Variants in HTR1E observed in about 807,000 individuals in gnomAD.
HTR1E encodes 5-HT-1E.
HTR1E carries 3 observed loss-of-function variants against 3.4 expected under a neutral mutation model. The observed-to-expected ratio is 0.89, with a 90% CI of 0.41 to 2.31. HTR1E has a LOEUF of 2.31. HTR1E is among the 30% of genes most tolerant of loss of function. HTR1E has a pLI of 0.05. For missense variants in HTR1E, 392 were observed against 467.0 expected (o/e 0.84, Z 1.48); for synonymous variants, 170 against 182.8 (o/e 0.93, Z 0.56).
intron 1 of HTR1E, among the ~76,000 whole-genome samples, chr6:87,004,465 C>A (rs1419619445): frequency 6.6e-6 from 1 of 152,122 alleles, no homozygotes; most frequent in Non-Finnish European, 1.5e-5. Context: ...GAATAGGGTA[C>A]ATTATGTCAA....
rs768452385 is a variant in HTR1E at position 87,015,512 on chromosome 6, C to T, written c.178C>T (p.Leu60=). The T allele has an allele frequency of 1.9e-6, 3 of 1,613,550 alleles. No homozygotes were observed. The highest frequency in any genetic ancestry group is 1.6e-4 in the Middle Eastern group (1 of 6,080). The part of the protein sequence containing the change: ...TKKLHQPANY[L]ICSLAVTDLL... ...GAAGCTCCACCAGCCTGCCAACTACCTAATCTGTTCTCTGGCCGTGACGGA... is the reference window on the plus strand; with the variant it reads ...GAAGCTCCACCAGCCTGCCAACTACTTAATCTGTTCTCTGGCCGTGACGGA... Residue 60 remains leucine, a synonymous_variant, in exon 2 of 2, where the codon CTA becomes TTA. Coordinates refer to ENST00000305344, the MANE Select transcript of HTR1E (RefSeq NM_000865.3).
intron 1 of HTR1E, chr6:86,970,369 T>A (rs1213227505): frequency 6.6e-6 from 1 of 152,260 alleles, no homozygotes; most frequent in Non-Finnish European, 1.5e-5. Context: ...CGGGCCCAAA[T>A]CCTTGGTTTG....
intron 1 of HTR1E, among the ~76,000 whole-genome samples, chr6:86,938,843 A>C (rs139516944): frequency 8.3e-4 from 127 of 152,320 alleles, no homozygotes; most frequent in African/African-American, 3.0e-3. Context: ...TCTAAGCAGT[A>C]CATCGTCCTA....
intron 1 of HTR1E, among the ~76,000 whole-genome samples, chr6:87,003,504 A>G (rs1180286336): frequency 6.6e-6 from 1 of 151,316 alleles, no homozygotes; most frequent in Non-Finnish European, 1.5e-5. Flanking sequence ...GCGCCATTGC[A>G]CTCCAGCCTG....
chr6:86,958,090 G>A (rs532998467), intron 1 of HTR1E, among the ~76,000 whole-genome samples: 34 of 136,510 alleles, frequency 2.5e-4, no homozygotes, highest in Non-Finnish European at 4.3e-4. Flanking sequence ...ACAGAGTCTC[G>A]CTCTGTCGCC....
intron 1 of HTR1E, among the ~76,000 whole-genome samples, chr6:87,011,275 G>C (rs540706776): frequency 8.8e-4 from 134 of 152,304 alleles, no homozygotes; most frequent in Middle Eastern, 6.8e-3. Flanking sequence ...TGCAGCAGGA[G>C]GGAATGACTT....
Position 87,016,557 on chromosome 6 carries a change from T to C in HTR1E, c.*125T>C, listed in dbSNP as rs1768330557. 1 of 772,216 alleles carries C rather than the reference T, an allele frequency of 1.3e-6. No homozygotes were observed. Among genetic ancestry groups the C allele is most frequent in the Non-Finnish European group, 2.0e-6 (1 of 497,912 alleles). 47.8% of individuals were successfully genotyped at this position (772,216 alleles called of 1,614,324 possible). A position where few individuals can be genotyped will look rare whatever the true frequency, so the allele number is the denominator to read the frequency against. On this transcript the variant is annotated 3_prime_UTR_variant, in exon 2 of 2. Transcript: ENST00000305344. ...GAGTTTGTAAGTATGTGTGGTCTTG[T>C]TTCCTTGTTTGTTTGTTTGTTTTGT...
intron 1 of HTR1E, among the ~76,000 whole-genome samples, chr6:86,969,737 T>G (rs903666179): frequency 6.6e-6 from 1 of 152,130 alleles, no homozygotes; most frequent in Non-Finnish European, 1.5e-5. Flanking sequence ...CTTGACCCCA[T>G]CCCTGAGGTC....
chr6:86,983,611 G>A (rs367807722), intron 1 of HTR1E, among the ~76,000 whole-genome samples: 3 of 152,154 alleles, frequency 2.0e-5, no homozygotes, highest in South Asian at 2.1e-4. Context: ...ACAATAGGGT[G>A]ACTATAGTTA....
At chr6:87,012,799 A>T (rs1768257386) in intron 1 of HTR1E, among the ~76,000 whole-genome samples, 1 of 152,232 alleles carries the variant, frequency 6.6e-6, no homozygotes, top group Non-Finnish European at 1.5e-5. Context: ...GAAAGATGTC[A>T]TTATTCCTGA....
At chr6:86,989,860 C>T (rs986759464) in intron 1 of HTR1E, among the ~76,000 whole-genome samples, 9 of 152,000 alleles carry the variant, frequency 5.9e-5, no homozygotes, top group African/African-American at 1.7e-4. Flanking sequence ...CATTTTTATA[C>T]AACATACTAT....
intron 1 of HTR1E, among the ~76,000 whole-genome samples, chr6:87,010,189 G>A (rs1365569696): frequency 3.6e-5 from 3 of 83,998 alleles, no homozygotes; most frequent in African/African-American, 1.1e-4. Context: ...GCGGGGGGCC[G>A]ACCCCCCCAC....
chr6:87,011,885 A>G (rs1033849125), intron 1 of HTR1E, among the ~76,000 whole-genome samples: 2 of 152,176 alleles, frequency 1.3e-5, no homozygotes, highest in Non-Finnish European at 2.9e-5. Flanking sequence ...TGAAGGAAGA[A>G]AGGAATTTCT....
chr6:86,995,427 AGGTCGAGGTGGGC>A (rs1767923263), intron 1 of HTR1E, among the ~76,000 whole-genome samples: 1 of 151,814 alleles, frequency 6.6e-6, no homozygotes, highest in Non-Finnish European at 1.5e-5. Flanking sequence ...GCACTTTGGG[AGGTCGAGGTGGGC>A]GGATCACCTG....
At chr6:86,992,810 C>T (rs974334199) in intron 1 of HTR1E, among the ~76,000 whole-genome samples, 2 of 152,148 alleles carry the variant, frequency 1.3e-5, no homozygotes, top group African/African-American at 2.4e-5. Flanking sequence ...GATTAAGTAA[C>T]TTACCCAAGG....
At chr6:86,980,218 T>C (rs1218970249) in intron 1 of HTR1E, among the ~76,000 whole-genome samples, 1 of 151,858 alleles carries the variant, frequency 6.6e-6, no homozygotes, top group Non-Finnish European at 1.5e-5. Context: ...AAACCCTGTC[T>C]CTACTAAAAA....
At chr6:86,951,683 A>G (rs1039096763) in intron 1 of HTR1E, among the ~76,000 whole-genome samples, 1 of 152,196 alleles carries the variant, frequency 6.6e-6, no homozygotes, top group Non-Finnish European at 1.5e-5. Flanking sequence ...ATTTTTGAAA[A>G]CTGAATTACA....
intron 1 of HTR1E, among the ~76,000 whole-genome samples, chr6:86,955,258 C>G (rs1767304238): frequency 1.3e-5 from 2 of 152,224 alleles, no homozygotes; most frequent in Non-Finnish European, 2.9e-5. Flanking sequence ...CAGCTTGTCT[C>G]CTGCAAAATT....
At chr6:86,982,840 A>G (rs1255714932) in intron 1 of HTR1E, among the ~76,000 whole-genome samples, 1 of 152,212 alleles carries the variant, frequency 6.6e-6, no homozygotes, top group Admixed American at 6.5e-5. Context: ...ATCAGCCCAT[A>G]TAATTTAATT....
Sources: allele counts gnomAD v4.1 joint callset (sites outside exome capture counted in the v4.1 genomes callset), GRCh38; gene constraint gnomAD v4.1.1; transcripts MANE v1.5; gene names NCBI Gene and HGNC (gene_info 2026-07-23, HGNC 2026-07-21).